Variants in CHD3 observed in about 807,000 individuals in gnomAD.
CHD3 encodes the protein ATP-dependent chromatin remodeler CHD3.
A neutral mutation model predicts 248.9 loss-of-function variants in CHD3; 52 were observed. That is an observed-to-expected ratio of 0.21 (90% CI 0.17 to 0.26). The LOEUF (loss-of-function observed/expected upper bound fraction) is 0.26, where lower values mean the gene tolerates loss of function less well. Ranked by LOEUF, CHD3 falls within the 10% of genes least tolerant of loss-of-function variation. The probability of loss-of-function intolerance (pLI) is 1.00; values close to 1 mark genes in which losing one functional copy is unlikely to be tolerated. For missense variants in CHD3, 1,482 were observed against 2,605.8 expected (o/e 0.57, Z 9.39); for synonymous variants, 985 against 985.2 (o/e 1.00, Z 0.00).
upstream of CHD3, among the ~76,000 whole-genome samples, chr17:7,886,140 T>TG (rs545989391): frequency 6.6e-6 from 1 of 152,292 alleles, no homozygotes; most frequent in East Asian, 1.9e-4. This position sits in a 1 kb window ranked among gnomAD's most constrained non-coding sequence, Gnocchi z 4.2. Flanking sequence ...CTGAGCACGT[T>TG]GGGGGGCGTG....
At chr17:7,901,111 T>G in intron 19 of CHD3, 118 bp downstream of exon 19, 1 of 1,512,974 alleles carries the variant, frequency 6.6e-7, no homozygotes, top group East Asian at 2.3e-5. Flanking sequence ...GGCCACGGAC[T>G]GGGTGTCTGA....
chr17:7,886,819 G>A (rs1261141383), upstream of CHD3, among the ~76,000 whole-genome samples: 1 of 152,090 alleles, frequency 6.6e-6, no homozygotes, highest in African/African-American at 2.4e-5. The surrounding 1 kb of genome is among the most constrained non-coding windows in gnomAD (Gnocchi z 4.2). Context: ...GTCTGGGGTG[G>A]GGTGGTGTGG....
Position 7,894,173 on chromosome 17 carries a change from G to A in CHD3, c.983G>A (p.Ser328Asn). Residue 328 changes from serine to asparagine, a missense_variant, in exon 7 of 40, where the codon AGT (serine) becomes AAT (asparagine). Physicochemically the swap from Ser to Asn is conservative, Grantham distance 46 (BLOSUM62 1). Transcript: ENST00000330494. ...GAGGCTGAGGAATCAGACCTGGACA[G>A]TGGCAGTGTCCACAGTGCCTCAGGC... ...EPEAEESDLD[S>N]GSVHSASGRP... The A allele has an allele frequency of 6.2e-7, 1 of 1,614,174 alleles. No homozygotes were observed. The highest frequency in any genetic ancestry group is 8.5e-7 in the Non-Finnish European group (1 of 1,179,982).
In CHD3 at chr17:7,904,346, G is replaced by C. The variant is rs767425503; in HGVS notation, c.3895-96G>C. 2 of 1,190,660 alleles carry C rather than the reference G, an allele frequency of 1.7e-6. No individual in the cohort carries two copies. Among genetic ancestry groups the C allele is most frequent in the South Asian group, 2.8e-5 (2 of 70,924 alleles). The allele number at this position is 1,190,660 out of a possible 1,614,324, so 73.8% of individuals were successfully genotyped here. A position where few individuals can be genotyped will look rare whatever the true frequency, so the allele number is the denominator to read the frequency against. ...ACGAAGCTGCAGGAGTGGGGAGACC[G>C]GATTGGGCTGACGCAGCAGAGTAGG... On this transcript the variant is annotated intron_variant, in intron 24 of 39. Coordinates refer to ENST00000330494, the MANE Select transcript of CHD3 (RefSeq NM_001005273.3). The surrounding 1 kb of genome is among the most constrained non-coding windows in gnomAD (Gnocchi z 4.4).
In CHD3 at chr17:7,890,687, AAAG is replaced by A. The variant is rs1968718235; in HGVS notation, c.331_333del (p.Lys111del). The A allele has an allele frequency of 6.2e-7, 1 of 1,603,078 alleles. No individual in the cohort carries two copies. Among genetic ancestry groups the A allele is most frequent in the Non-Finnish European group, 8.5e-7 (1 of 1,175,934 alleles). On this transcript the variant is annotated inframe_deletion, in exon 3 of 40. Coordinates refer to ENST00000330494, the MANE Select transcript of CHD3 (RefSeq NM_001005273.3). ...AACGAAGAAGGAAGCACCGAGAAAA[AAAG>A]GAGAAGAAGACAAAGCGGCGGAAAA...
In CHD3 at chr17:7,910,343, C is replaced by CATCT. The variant is rs749046452; in HGVS notation, c.5591-84_5591-81dup. The CATCT allele has an allele frequency of 1.4e-5, 21 of 1,521,176 alleles. No individual in the cohort carries two copies. Among genetic ancestry groups the CATCT allele is most frequent in the East Asian group, 6.8e-5 (3 of 44,440 alleles). The allele number at this position is 1,521,176 out of a possible 1,614,324, so 94.2% of individuals were successfully genotyped here. A position where few individuals can be genotyped will look rare whatever the true frequency, so the allele number is the denominator to read the frequency against. ...CGCTCTTTTTCTGCCTGTATCTGTC[C>CATCT]ATCTGATGCCTCTCTTTTCCTGGCT... is the stretch of plus-strand genomic sequence containing the variant. On this transcript the variant is annotated intron_variant, in intron 37 of 39. Coordinates refer to ENST00000330494, the MANE Select transcript of CHD3 (RefSeq NM_001005273.3). This position sits in a 1 kb window ranked among gnomAD's most constrained non-coding sequence, Gnocchi z 4.7.
At chr17:7,894,846 T>C in intron 8 of CHD3, 71 bp from the exon 9 acceptor site, 1 of 1,583,476 alleles carries the variant, frequency 6.3e-7, no homozygotes, top group Non-Finnish European at 8.6e-7. Context: ...GTGTCCTGTC[T>C]TTGCCTGTAT....
chr17:7,905,594 G>C lies in CHD3; in HGVS notation c.4139-27G>C, dbSNP rs1195652173. 7.1e-6 allele frequency: 11 copies of C among 1,542,558 alleles called. No homozygotes were observed. Among genetic ancestry groups the C allele is most frequent in the Non-Finnish European group, 9.7e-6 (11 of 1,139,284 alleles). ...GAGGCTTAGAGGAGGTGGTGGCTCA[G>C]CTAACTGATGTCATCCCCACCCTCA... is the stretch of plus-strand genomic sequence containing the variant. On this transcript the variant is annotated intron_variant, in intron 26 of 39. Coordinates refer to ENST00000330494, the MANE Select transcript of CHD3 (RefSeq NM_001005273.3). This position sits in a 1 kb window ranked among gnomAD's most constrained non-coding sequence, Gnocchi z 5.8.
chr17:7,887,992 G>A (rs560604432), upstream of CHD3, among the ~76,000 whole-genome samples: 6 of 152,374 alleles, frequency 3.9e-5, no homozygotes, highest in South Asian at 1.2e-3. Context: ...ACCCCTGGCT[G>A]GTGGTGGCCG....
At chr17:7,885,350 C>T, upstream of CHD3, 1 of 172,748 alleles carries the variant, frequency 5.8e-6, no homozygotes, top group South Asian at 1.7e-4. Context: ...GCCGCCACCC[C>T]GGCTGGAGAG....
intron 20 of CHD3, 104 bp from the exon 21 acceptor site, chr17:7,902,506 T>G: frequency 1.5e-6 from 1 of 660,836 alleles, no homozygotes; most frequent in South Asian, 2.0e-5. Flanking sequence ...GGGCAGGGGT[T>G]CAGGTGTAAA....
In CHD3 at chr17:7,909,226, C is replaced by G; in HGVS notation, c.5478C>G (p.Ala1826=). Residue 1826 remains alanine (A), a synonymous_variant, in exon 37 of 40, where the codon GCC becomes GCG. Transcript: ENST00000330494. The surrounding 1 kb of genome is among the most constrained non-coding windows in gnomAD (Gnocchi z 8.1). ...TGTCGCAGGAGCCGGCGCACCCCGCCATGGCCCTCCACGCCCGCTTCGCCG... is the reference window on the plus strand; with the variant it reads ...TGTCGCAGGAGCCGGCGCACCCCGCGATGGCCCTCCACGCCCGCTTCGCCG... ...LNLSQEPAHP[A]MALHARFAEA... is the part of the protein sequence containing the mutation. The G allele has an allele frequency of 3.2e-6, 5 of 1,551,336 alleles. No individual in the cohort carries two copies. The highest frequency in any genetic ancestry group is 4.4e-6 in the Non-Finnish European group (5 of 1,148,398).
Position 7,894,424 on chromosome 17 carries a change from G to A in CHD3, c.1085G>A (p.Cys362Tyr), listed in dbSNP as rs1969361806. 1 of 1,613,110 alleles carries A rather than the reference G, an allele frequency of 6.2e-7. No individual in the cohort carries two copies. The highest frequency in any genetic ancestry group is 8.5e-7 in the Non-Finnish European group (1 of 1,179,326). ...PGRKKKKVLG[C>Y]PAVAGEEEVD... is the part of the protein sequence containing the mutation. ...CCGGGGTATATGACAGTCCTGGGCT[G>A]TCCTGCAGTGGCCGGGGAGGAGGAG... Residue 362 changes from cysteine to tyrosine, a missense_variant, in exon 8 of 40, where the codon TGT becomes TAT. Physicochemically the swap from Cys to Tyr is radical, Grantham distance 194 (BLOSUM62 -2). This residue lies in a region of CHD3 where 138 missense variants were observed against 241.1 expected (regional missense o/e 0.57). Transcript: ENST00000330494.
At chr17:7,894,648 C>A in intron 8 of CHD3, 40 bp downstream of exon 8, 1 of 1,573,514 alleles carries the variant, frequency 6.4e-7, no homozygotes, top group Non-Finnish European at 8.7e-7. Context: ...CCTGAGGAAC[C>A]CACCCATCTC....
chr17:7,908,614 G>A lies in CHD3; in HGVS notation c.5262-83G>A. ...GACAGGGCTAGTGCCACACTTTGGG[G>A]AGTCAAGCCAAAAGGAAGAAGTGTT... On this transcript the variant is annotated intron_variant, in intron 35 of 39. Coordinates refer to ENST00000330494, the MANE Select transcript of CHD3 (RefSeq NM_001005273.3). This position sits in a 1 kb window ranked among gnomAD's most constrained non-coding sequence, Gnocchi z 5.8. 1 of 1,594,096 alleles carries A rather than the reference G, an allele frequency of 6.3e-7. No individual in the cohort carries two copies. The highest frequency in any genetic ancestry group is 8.6e-7 in the Non-Finnish European group (1 of 1,163,664).
At chr17:7,898,736 GA>G (rs1450720760) in intron 13 of CHD3, 141 bp downstream of exon 13, 1 of 754,824 alleles carries the variant, frequency 1.3e-6, no homozygotes, top group Non-Finnish European at 2.1e-6. Flanking sequence ...CTTGCCCCAA[GA>G]GTGGCTAAGA....
At position 7,908,777 on chromosome 17, in the gene CHD3, A is replaced by G. The variant is rs961701028; in HGVS notation, c.5342A>G (p.Asn1781Ser). Residue 1781 changes from asparagine to serine, a missense_variant, in exon 36 of 40, where the codon AAT becomes AGT. Around this residue, in one of 20 missense-constraint regions of CHD3, gnomAD observed 27 missense variants for 23.5 expected, o/e 1.15. Coordinates refer to ENST00000330494, the MANE Select transcript of CHD3 (RefSeq NM_001005273.3). The surrounding 1 kb of genome is among the most constrained non-coding windows in gnomAD (Gnocchi z 5.8). ...AACGAGCCATTTAAAACTGAAGCCAATAAGGGGAACTTTCTGGAGATGAAA... is the reference window on the plus strand; with the variant it reads ...AACGAGCCATTTAAAACTGAAGCCAGTAAGGGGAACTTTCTGGAGATGAAA... ...IINEPFKTEANKGNFLEMKNK... is the reference protein window; with the variant it reads ...IINEPFKTEASKGNFLEMKNK... 2.5e-6 allele frequency: 4 copies of G among 1,614,180 alleles called. No individual in the cohort carries two copies. The highest frequency in any genetic ancestry group is 2.2e-5 in the South Asian group (2 of 91,090).
At chr17:7,887,744 C>G (rs1968189963), upstream of CHD3, among the ~76,000 whole-genome samples, 1 of 152,182 alleles carries the variant, frequency 6.6e-6, no homozygotes, top group Non-Finnish European at 1.5e-5. Flanking sequence ...CCTGCGCCCT[C>G]CGGCCCCCGC....
At chr17:7,890,543 A>C (rs1597919713) in intron 2 of CHD3, 28 bp from the exon 3 acceptor site, 1 of 1,480,790 alleles carries the variant, frequency 6.8e-7, no homozygotes, top group East Asian at 2.3e-5. Context: ...AGGGATGAAT[A>C]AATGTTATTT....
Sources: allele counts gnomAD v4.1 joint callset (sites outside exome capture counted in the v4.1 genomes callset), GRCh38; gene constraint gnomAD v4.1.1; regional missense constraint gnomAD v4.1.1; non-coding constraint Gnocchi (gnomAD v3.1); transcripts MANE v1.5; gene names NCBI Gene and HGNC (gene_info 2026-07-23, HGNC 2026-07-21).